The following PPARGC1A variants were observed in gnomAD, a reference collection of about 807,000 sequenced individuals.
PPARGC1A encodes the protein peroxisome proliferator-activated receptor gamma coactivator 1-alpha.
PPARGC1A carries 25 observed loss-of-function variants against 88.7 expected under a neutral mutation model. That is an observed-to-expected ratio of 0.28 (90% CI 0.21 to 0.39). The LOEUF is 0.39. Among genes scored for constraint, PPARGC1A ranks in the 10% least tolerant of loss-of-function variants. PPARGC1A has a pLI of 1.00. For missense variants in PPARGC1A, 880 were observed against 968.7 expected, an observed-to-expected ratio of 0.91 and a Z score of 1.22; for synonymous variants, 363 against 355.6, an observed-to-expected ratio of 1.02 and a Z score of -0.24.
At chr4:24,013,668 C>G in the PPARGC1A span, among the ~76,000 whole-genome samples, 10 of 152,302 alleles carry the variant, frequency 6.6e-5, no homozygotes, top group Middle Eastern at 3.4e-3. Flanking sequence ...TCCTTACTCT[C>G]CTACACACAC....
chr4:24,007,217 GCT>G, the PPARGC1A span, among the ~76,000 whole-genome samples: 4 of 151,960 alleles, frequency 2.6e-5, no homozygotes, highest in African/African-American at 9.7e-5. Flanking sequence ...TGCCCATCTC[GCT>G]CTCTCTCTTT....
the PPARGC1A span, among the ~76,000 whole-genome samples, chr4:24,199,833 T>A: frequency 6.6e-6 from 1 of 152,128 alleles, no homozygotes; most frequent in South Asian, 2.1e-4. Flanking sequence ...GAAAATATAA[T>A]TCTCCCACAG....
chr4:24,038,204 C>T, the PPARGC1A span, among the ~76,000 whole-genome samples: 1 of 152,152 alleles, frequency 6.6e-6, no homozygotes. Flanking sequence ...ACATAAAGTG[C>T]CTAGGGCTTT....
chr4:24,034,831 T>C, the PPARGC1A span, among the ~76,000 whole-genome samples: 2 of 152,192 alleles, frequency 1.3e-5, no homozygotes, highest in African/African-American at 4.8e-5. Context: ...GAGTGATGCA[T>C]ACAGAAACCA....
the PPARGC1A span, among the ~76,000 whole-genome samples, chr4:23,970,751 T>A: frequency 6.6e-6 from 1 of 152,216 alleles, no homozygotes; most frequent in African/African-American, 2.4e-5. Context: ...CCTTTCTTCC[T>A]ACCTCAATGG....
chr4:23,882,598 G>C lies in PPARGC1A; in HGVS notation c.234+2154C>G, dbSNP rs538140190. 127 of 152,184 alleles carry C rather than the reference G, an allele frequency of 8.3e-4. 1 individual carries two copies. Among genetic ancestry groups the C allele is most frequent in the African/African-American group, 3.0e-3 (124 of 41,518 alleles). The allele number at this position is 152,184 out of a possible 1,614,324, so 9.4% of individuals were successfully genotyped here. ...CAAATGTCCCGTGAATTGGGGTGTGGGGCGGGGACCAAAATCGCCTTTGGT... is the reference window on the plus strand; with the variant it reads ...CAAATGTCCCGTGAATTGGGGTGTGCGGCGGGGACCAAAATCGCCTTTGGT... On this transcript the variant is annotated intron_variant, in intron 2 of 12. Coordinates refer to ENST00000264867, the MANE Select transcript of PPARGC1A (RefSeq NM_013261.5).
chr4:23,923,610 A>G, the PPARGC1A span, among the ~76,000 whole-genome samples: 118,272 of 152,078 alleles, frequency 0.78, 46,861 homozygotes, highest in African/African-American at 0.92. Context: ...AAAAAGAAGT[A>G]ACATCAAAGA....
the PPARGC1A span, among the ~76,000 whole-genome samples, chr4:23,949,612 A>G: frequency 6.6e-6 from 1 of 152,166 alleles, no homozygotes; most frequent in African/African-American, 2.4e-5. Flanking sequence ...TAAACTCCCA[A>G]CCATTTTAAG....
At position 23,828,643 on chromosome 4, in the gene PPARGC1A, C is replaced by T. The variant is rs778023266; in HGVS notation, c.553-39G>A. ...CATAAAGAAAGCTAAAATTAGTGAA[C>T]TGAACCTTATCAGAATGGATATAGG... On this transcript the variant is annotated intron_variant, in intron 4 of 12. Coordinates refer to ENST00000264867, the MANE Select transcript of PPARGC1A (RefSeq NM_013261.5). 7.6e-6 allele frequency: 12 copies of T among 1,583,592 alleles called. No homozygotes were observed. The East Asian group carries it at 2.5e-4, about 32-fold the overall frequency.
chr4:23,896,556 G>A (rs978067285), intron 1 of PPARGC1A, among the ~76,000 whole-genome samples: 2 of 152,132 alleles, frequency 1.3e-5, no homozygotes, highest in Non-Finnish European at 2.9e-5. Context: ...GAATTATGGA[G>A]AGAAGGAAGC....
At chr4:24,309,367 G>A in the PPARGC1A span, among the ~76,000 whole-genome samples, 43 of 152,246 alleles carry the variant, frequency 2.8e-4, no homozygotes, top group South Asian at 6.2e-4. Flanking sequence ...TAAAATCCTG[G>A]AAGTGAGAAA....
chr4:24,286,456 T>C, the PPARGC1A span, among the ~76,000 whole-genome samples: 2 of 152,278 alleles, frequency 1.3e-5, no homozygotes, highest in Non-Finnish European at 2.9e-5. Flanking sequence ...GGAAAGTCTG[T>C]AGGTGGCTCC....
chr4:23,834,807 T>TC (rs1391609607), intron 2 of PPARGC1A, among the ~76,000 whole-genome samples: 14 of 152,106 alleles, frequency 9.2e-5, no homozygotes, highest in African/African-American at 3.4e-4. Flanking sequence ...CTTCTTTGAT[T>TC]CCCCCACATA....
chr4:23,913,477 G>A, the PPARGC1A span, among the ~76,000 whole-genome samples: 1 of 151,838 alleles, frequency 6.6e-6, no homozygotes, highest in East Asian at 2.0e-4. Flanking sequence ...ATGGAATGGA[G>A]GCCCTTCCAT....
the PPARGC1A span, among the ~76,000 whole-genome samples, chr4:24,379,975 A>C: frequency 6.6e-6 from 1 of 151,898 alleles, no homozygotes; most frequent in Admixed American, 6.6e-5. Flanking sequence ...ACAGGGTTTC[A>C]CCATGTTGGC....
the PPARGC1A span, among the ~76,000 whole-genome samples, chr4:24,393,838 G>A: frequency 3.9e-3 from 586 of 152,126 alleles, 7 homozygotes; most frequent in Non-Finnish European, 5.6e-3. Context: ...GAAAATTTTC[G>A]CCGGGCATAG....
intron 2 of PPARGC1A, among the ~76,000 whole-genome samples, chr4:23,836,606 G>A (rs1726062680): frequency 6.6e-6 from 1 of 152,188 alleles, no homozygotes; most frequent in South Asian, 2.1e-4. Flanking sequence ...AAAATGAGAA[G>A]GTTTATCTCT....
the PPARGC1A span, among the ~76,000 whole-genome samples, chr4:24,084,853 G>C: frequency 6.6e-6 from 1 of 152,296 alleles, no homozygotes; most frequent in Non-Finnish European, 1.5e-5. Context: ...TTTTGTGCTA[G>C]AGATGTAACA....
chr4:24,355,201 A>G, the PPARGC1A span, among the ~76,000 whole-genome samples: 2 of 152,200 alleles, frequency 1.3e-5, no homozygotes, highest in African/African-American at 4.8e-5. Flanking sequence ...ACCGATTTTA[A>G]AAGCCTTGTC....
Sources: gnomAD v4.1 joint callset for allele counts (sites outside exome capture counted in the v4.1 genomes callset) on GRCh38, gnomAD v4.1.1 for gene constraint, MANE v1.5 for transcripts, NCBI Gene and HGNC (gene_info 2026-07-23, HGNC 2026-07-21) for gene names.